The following GALNTL6 variants were observed in gnomAD, a reference collection of about 807,000 sequenced individuals.
The protein encoded by GALNTL6 is polypeptide N-acetylgalactosaminyltransferase-like 6.
GALNTL6 carries 46 observed loss-of-function variants against 73.7 expected under a neutral mutation model. The observed-to-expected ratio is 0.62, with a 90% CI of 0.49 to 0.80. GALNTL6 has a LOEUF of 0.80. GALNTL6 is among the 30% of genes least tolerant of loss of function. The probability of loss-of-function intolerance (pLI) is 0.00; values close to 1 mark genes in which losing one functional copy is unlikely to be tolerated. For missense variants in GALNTL6, 604 were observed against 755.0 expected (o/e 0.80, Z 2.34); for synonymous variants, 259 against 263.7 (o/e 0.98, Z 0.17).
chr4:172,484,327 C>T (rs1341262455), intron 5 of GALNTL6, among the ~76,000 whole-genome samples: 1 of 152,068 alleles, frequency 6.6e-6, no homozygotes, highest in Non-Finnish European at 1.5e-5. Context: ...ATCTGTTTTC[C>T]TGAGAAACAG....
chr4:172,775,828 T>C (rs991329487), intron 5 of GALNTL6, among the ~76,000 whole-genome samples: 5 of 152,114 alleles, frequency 3.3e-5, no homozygotes, highest in East Asian at 1.9e-4. Context: ...CTTTGAGGGA[T>C]TGATGAATGA....
intron 10 of GALNTL6, among the ~76,000 whole-genome samples, chr4:172,977,745 T>A (rs1750884761): frequency 6.6e-6 from 1 of 152,118 alleles, no homozygotes; most frequent in Non-Finnish European, 1.5e-5. Flanking sequence ...GGAAGCATGT[T>A]CTGGGTGGTC....
At chr4:172,026,300 G>A (rs1423297820) in intron 2 of GALNTL6, among the ~76,000 whole-genome samples, 1 of 151,910 alleles carries the variant, frequency 6.6e-6, no homozygotes, top group Admixed American at 6.6e-5. Context: ...AATTTCCATG[G>A]AAAATGTTAA....
intron 10 of GALNTL6, among the ~76,000 whole-genome samples, chr4:172,967,622 T>A (rs1242249600): frequency 1.3e-5 from 2 of 150,642 alleles, no homozygotes; most frequent in African/African-American, 5.0e-5. Flanking sequence ...GGGGACTTCA[T>A]GATATTATAT....
rs1020558027 is a variant in GALNTL6, at chr4:171,952,848, A to G, written c.138+138130A>G. Among the ~76,000 whole-genome samples the G allele has an allele frequency of 4.4e-5, 6 of 135,562 alleles. No homozygotes were observed. The East Asian group carries it at 1.4e-3, about 31-fold the overall frequency. The allele number at this position is 135,562 out of a possible 152,430, so 88.9% of individuals were successfully genotyped here. On this transcript the variant is annotated intron_variant, in intron 2 of 12. Coordinates refer to ENST00000506823, the MANE Select transcript of GALNTL6 (RefSeq NM_001034845.3). ...GTTATAGTGATTTAATTAGCTTTAG[A>G]AAGTAATAAATATATAAACCTTGAA...
intron 2 of GALNTL6, among the ~76,000 whole-genome samples, chr4:171,909,302 A>G (rs1737402638): frequency 6.6e-6 from 1 of 152,174 alleles, no homozygotes; most frequent in Non-Finnish European, 1.5e-5. Flanking sequence ...TAGAAATTAT[A>G]CTTTGAAACT....
At chr4:172,711,465 A>T (rs897145904) in intron 5 of GALNTL6, among the ~76,000 whole-genome samples, 3 of 152,162 alleles carry the variant, frequency 2.0e-5, no homozygotes, top group African/African-American at 7.2e-5. Flanking sequence ...GCACAAACTC[A>T]GTGGCTTGCA....
intron 5 of GALNTL6, among the ~76,000 whole-genome samples, chr4:172,711,844 G>A (rs528392543): frequency 1.3e-5 from 2 of 152,292 alleles, no homozygotes; most frequent in South Asian, 4.2e-4. Context: ...GATGAGTGGA[G>A]AAGACAGGAC....
At chr4:172,206,974 C>A (rs953106601) in intron 2 of GALNTL6, among the ~76,000 whole-genome samples, 1 of 151,402 alleles carries the variant, frequency 6.6e-6, no homozygotes, top group Admixed American at 6.6e-5. Flanking sequence ...CCCACCACCA[C>A]GCCCGGCTAG....
intron 2 of GALNTL6, among the ~76,000 whole-genome samples, chr4:172,139,723 T>A (rs1171841814): frequency 6.6e-6 from 1 of 152,200 alleles, no homozygotes; most frequent in South Asian, 2.1e-4. Flanking sequence ...CTTCAAAGGA[T>A]TGAATTCTGC....
chr4:172,472,017 G>C (rs570255307), intron 5 of GALNTL6, among the ~76,000 whole-genome samples: 3 of 152,080 alleles, frequency 2.0e-5, no homozygotes, highest in Non-Finnish European at 2.9e-5. Context: ...ATTCAGGGCT[G>C]GTCCCTCTAA....
intron 2 of GALNTL6, among the ~76,000 whole-genome samples, chr4:172,081,148 T>A (rs1731867791): frequency 6.6e-6 from 1 of 152,136 alleles, no homozygotes; most frequent in African/African-American, 2.4e-5. Context: ...TATATAGACA[T>A]CAAAGGCAAA....
At chr4:172,046,338 G>T (rs1742221690) in intron 2 of GALNTL6, among the ~76,000 whole-genome samples, 1 of 152,026 alleles carries the variant, frequency 6.6e-6, no homozygotes, top group Non-Finnish European at 1.5e-5. Context: ...AAGTTCTGGG[G>T]TACATGTGCA....
intron 2 of GALNTL6, among the ~76,000 whole-genome samples, chr4:172,145,408 G>A (rs1733905056): frequency 6.6e-6 from 1 of 152,088 alleles, no homozygotes; most frequent in African/African-American, 2.4e-5. Flanking sequence ...CCAAAGTGCT[G>A]GGATTATAGG....
At chr4:172,450,292 A>G (rs994418936) in intron 5 of GALNTL6, among the ~76,000 whole-genome samples, 3 of 151,686 alleles carry the variant, frequency 2.0e-5, no homozygotes, top group Admixed American at 6.6e-5. Flanking sequence ...ATTACATTAA[A>G]TGGAGCTACC....
In GALNTL6 at chr4:172,700,387, G is replaced by A. The variant is rs952574733; in HGVS notation, c.554-108974G>A. On this transcript the variant is annotated intron_variant, in intron 5 of 12. Transcript: ENST00000506823. ...GTTGAAGGATAATGATAAAAGAAAG[G>A]GAATTTGTAACCTGTTAAGTAACTA... 1.1e-4 allele frequency among the ~76,000 whole-genome samples: 17 copies of A among 152,230 alleles called. 1 individual carries two copies. The Middle Eastern group carries it at 0.01, about 91-fold the overall frequency.
chr4:171,829,493 A>C lies in GALNTL6; in HGVS notation c.138+14775A>C, dbSNP rs373080666. Among the ~76,000 whole-genome samples, 18 of 152,268 alleles carry C rather than the reference A, an allele frequency of 1.2e-4. No homozygotes were observed. The East Asian group carries it at 3.5e-3, about 29-fold the overall frequency. Reference sequence around the variant, plus strand: ...CCAATTGATCACTATTTCACTGCCAAGACTCCCTAAGCCTCAACCATTTTG... The same window carrying C: ...CCAATTGATCACTATTTCACTGCCACGACTCCCTAAGCCTCAACCATTTTG... On this transcript the variant is annotated intron_variant, in intron 2 of 12. Transcript: ENST00000506823.
At chr4:172,825,887 A>T (rs559127488) in intron 7 of GALNTL6, among the ~76,000 whole-genome samples, 1 of 152,154 alleles carries the variant, frequency 6.6e-6, no homozygotes, top group Non-Finnish European at 1.5e-5. Context: ...GTTAATGAAG[A>T]ATACAGCCTA....
chr4:172,337,281 C>T (rs189781236), intron 4 of GALNTL6, among the ~76,000 whole-genome samples: 1 of 152,142 alleles, frequency 6.6e-6, no homozygotes, highest in African/African-American at 2.4e-5. Flanking sequence ...ACACCATGTA[C>T]ATTCAAGGTT....
Sources: gnomAD v4.1 joint callset for allele counts (sites outside exome capture counted in the v4.1 genomes callset) on GRCh38, gnomAD v4.1.1 for gene constraint, MANE v1.5 for transcripts, NCBI Gene and HGNC (gene_info 2026-07-23, HGNC 2026-07-21) for gene names.